Variants in PRKCH observed in about 807,000 individuals in gnomAD.
PRKCH encodes the protein protein kinase C eta type.
In PRKCH, 28 loss-of-function variants were observed where a neutral mutation model predicts 82.5. The ratio of observed to expected loss-of-function variants is 0.34; its 90% CI spans 0.25 to 0.47. PRKCH has a LOEUF of 0.47. Among genes scored for constraint, PRKCH ranks in the 20% least tolerant of loss-of-function variants. The probability of loss-of-function intolerance (pLI) is 1.00; values close to 1 mark genes in which losing one functional copy is unlikely to be tolerated. For missense variants in PRKCH, 705 were observed against 881.8 expected (o/e 0.80, Z 2.54); for synonymous variants, 322 against 327.4 (o/e 0.98, Z 0.18).
At chr14:61,194,796 C>T (rs141642720) in intron 1 of PRKCH, among the ~76,000 whole-genome samples, 7 of 152,206 alleles carry the variant, frequency 4.6e-5, no homozygotes, top group South Asian at 2.1e-4. Flanking sequence ...TGCAATGGGG[C>T]GACCTCGGCT....
chr14:61,485,888 G>A (rs1028247950), intron 10 of PRKCH, among the ~76,000 whole-genome samples: 1 of 152,152 alleles, frequency 6.6e-6, no homozygotes, highest in Non-Finnish European at 1.5e-5. Context: ...CTCCCAAGTA[G>A]ATAGCTGGGA....
chr14:61,533,328 ATT>A (rs5809103), intron 12 of PRKCH, among the ~76,000 whole-genome samples: 5,410 of 143,498 alleles, frequency 0.038, 137 homozygotes, highest in Middle Eastern at 0.12. Context: ...GATTTCTGGG[ATT>A]TTTTTTTTTT....
chr14:61,543,524 T>A (rs548509791), intron 12 of PRKCH: 1 of 152,348 alleles, frequency 6.6e-6, no homozygotes, highest in Admixed American at 6.5e-5. Flanking sequence ...ATAAAGTGCT[T>A]TTCTTGGCCC....
chr14:61,291,103 C>T (rs1038118055), intron 1 of PRKCH, among the ~76,000 whole-genome samples: 3 of 152,226 alleles, frequency 2.0e-5, no homozygotes, highest in Admixed American at 6.5e-5. Flanking sequence ...GAGATTTTAG[C>T]CTGAACAAAA....
intron 1 of PRKCH, among the ~76,000 whole-genome samples, chr14:61,383,102 G>C (rs2046535275): frequency 6.6e-6 from 1 of 152,224 alleles, no homozygotes; most frequent in African/African-American, 2.4e-5. Flanking sequence ...CTGTGCTGGG[G>C]ATCCGGTGGG....
chr14:61,222,208 T>C (rs954956905), intron 1 of PRKCH, among the ~76,000 whole-genome samples: 2 of 152,372 alleles, frequency 1.3e-5, no homozygotes, highest in South Asian at 2.1e-4. Flanking sequence ...ATGTGTGTTA[T>C]TGTGTTTTAA....
intron 1 of PRKCH, among the ~76,000 whole-genome samples, chr14:61,282,344 C>T (rs2045278908): frequency 6.8e-6 from 1 of 146,734 alleles, no homozygotes; most frequent in Non-Finnish European, 1.5e-5. Flanking sequence ...TGATTTCTTA[C>T]TAAATCTAAA....
rs765771015 is a variant in PRKCH at position 61,457,301 on chromosome 14, G to A, written c.1086G>A (p.Gly362=). Residue 362 remains glycine (G), a synonymous_variant, in exon 8 of 14, where the codon GGG becomes GGA. Transcript: ENST00000332981. ...ACTTTGAGTTCATCCGAGTGTTGGGGAAGGGGAGTTTTGGGAAGGTGAGTC... is the reference window on the plus strand; with the variant it reads ...ACTTTGAGTTCATCCGAGTGTTGGGAAAGGGGAGTTTTGGGAAGGTGAGTC... ...IDNFEFIRVL[G]KGSFGKVMLA... The A allele has an allele frequency of 5.4e-5, 87 of 1,614,056 alleles. No homozygotes were observed. Among genetic ancestry groups the A allele is most frequent in the Non-Finnish European group, 6.6e-5 (78 of 1,180,024 alleles).
chr14:61,329,382 C>T (rs947141732), intron 1 of PRKCH, among the ~76,000 whole-genome samples: 10 of 151,804 alleles, frequency 6.6e-5, no homozygotes, highest in African/African-American at 1.9e-4. Context: ...ATTACAGGCA[C>T]ACACCACCAC....
chr14:61,351,946 C>A (rs952281679), intron 1 of PRKCH, among the ~76,000 whole-genome samples: 47 of 152,092 alleles, frequency 3.1e-4, no homozygotes, highest in African/African-American at 1.1e-3. Flanking sequence ...CTCAGATTAA[C>A]CCTGGGAAGC....
intron 1 of PRKCH, among the ~76,000 whole-genome samples, chr14:61,202,599 T>G (rs1335571582): frequency 6.6e-6 from 1 of 151,988 alleles, no homozygotes; most frequent in African/African-American, 2.4e-5. Context: ...TAATTGTGGG[T>G]TTTTTTGGTG....
At chr14:61,249,621 TA>T (rs1347244951) in intron 1 of PRKCH, among the ~76,000 whole-genome samples, 204 of 151,962 alleles carry the variant, frequency 1.3e-3, no homozygotes, top group Non-Finnish European at 1.5e-3. Context: ...AATTTTTTTT[TA>T]TTATTTTTTA....
chr14:61,457,034 C>T (rs1049301107), intron 7 of PRKCH, 142 bp from the exon 8 acceptor site: 3 of 849,490 alleles, frequency 3.5e-6, no homozygotes, highest in East Asian at 2.7e-5. Flanking sequence ...GTGGCAGAAC[C>T]GATCATCTGT....
chr14:61,450,715 A>G, intron 5 of PRKCH, 127 bp from the exon 6 acceptor site: 1 of 1,113,604 alleles, frequency 9.0e-7, no homozygotes, highest in Non-Finnish European at 1.3e-6. Context: ...GGCTGAGTAC[A>G]GTAAAATAAT....
chr14:61,211,184 C>G (rs957842303), intron 1 of PRKCH, among the ~76,000 whole-genome samples: 1 of 152,138 alleles, frequency 6.6e-6, no homozygotes, highest in Non-Finnish European at 1.5e-5. Flanking sequence ...ATACATGGCC[C>G]AGGACTTGGA....
chr14:61,342,148 C>CCAACT (rs2045937311), intron 1 of PRKCH, among the ~76,000 whole-genome samples: 1 of 151,950 alleles, frequency 6.6e-6, no homozygotes, highest in African/African-American at 2.4e-5. Context: ...TCCTACGTGG[C>CCAACT]CAACTCTGTG....
At chr14:61,407,319 G>A (rs188747513) in intron 2 of PRKCH, among the ~76,000 whole-genome samples, 7 of 152,230 alleles carry the variant, frequency 4.6e-5, no homozygotes, top group Admixed American at 2.6e-4. Flanking sequence ...TTCTGAAGGC[G>A]GGACTGCATG....
intron 1 of PRKCH, among the ~76,000 whole-genome samples, chr14:61,222,095 A>G (rs1488083959): frequency 6.6e-6 from 1 of 152,200 alleles, no homozygotes; most frequent in Non-Finnish European, 1.5e-5. Flanking sequence ...GCCTTCTGAA[A>G]AAACAGAGTC....
intron 1 of PRKCH, among the ~76,000 whole-genome samples, chr14:61,286,233 A>G (rs1481818718): frequency 6.6e-6 from 1 of 152,246 alleles, no homozygotes; most frequent in East Asian, 1.9e-4. Context: ...ATCAAATTAA[A>G]TTGCTTCATA....
Sources: gnomAD v4.1 joint callset for allele counts (sites outside exome capture counted in the v4.1 genomes callset) on GRCh38, gnomAD v4.1.1 for gene constraint, MANE v1.5 for transcripts, NCBI Gene and HGNC (gene_info 2026-07-23, HGNC 2026-07-21) for gene names.